TRIM24: variants seen among roughly 807,000 people sequenced by gnomAD.
TRIM24 encodes transcription intermediary factor 1-alpha.
TRIM24 carries 29 observed loss-of-function variants against 123.9 expected under a neutral mutation model. That is an observed-to-expected ratio of 0.23 (90% CI 0.17 to 0.32). The LOEUF is 0.32. Among genes scored for constraint, TRIM24 ranks in the 10% least tolerant of loss-of-function variants. TRIM24 has a pLI of 1.00. For missense variants in TRIM24, 932 were observed against 1,295.3 expected (o/e 0.72, Z 4.31); for synonymous variants, 456 against 461.1 (o/e 0.99, Z 0.14).
intron 1 of TRIM24, among the ~76,000 whole-genome samples, chr7:138,498,508 G>A (rs751863602): frequency 9.2e-5 from 14 of 151,848 alleles, no homozygotes; most frequent in Non-Finnish European, 2.1e-4. Flanking sequence ...TACAGGCATG[G>A]CCAGTGTGCC....
At chr7:138,498,530 G>T (rs1228404125) in intron 1 of TRIM24, among the ~76,000 whole-genome samples, 1 of 152,108 alleles carries the variant, frequency 6.6e-6, no homozygotes, top group Non-Finnish European at 1.5e-5. Context: ...GGCCCCCTGT[G>T]TGGGTTTAGC....
intron 18 of TRIM24, among the ~76,000 whole-genome samples, chr7:138,584,430 T>C (rs1174407703): frequency 6.6e-6 from 1 of 152,246 alleles, no homozygotes; most frequent in Non-Finnish European, 1.5e-5. Context: ...CTAATAGTAC[T>C]ACATTTAATT....
intron 2 of TRIM24, 97 bp downstream of exon 2, chr7:138,504,505 G>A: frequency 1.3e-6 from 1 of 748,854 alleles, no homozygotes. Flanking sequence ...TGTTGCCCAG[G>A]CAGGAGTTCA....
intron 10 of TRIM24, among the ~76,000 whole-genome samples, chr7:138,569,128 G>A (rs531176717): frequency 3.9e-5 from 6 of 152,180 alleles, no homozygotes; most frequent in Middle Eastern, 3.4e-3. Context: ...TAGTCTTTTC[G>A]CATCTCCCTT....
chr7:138,483,929 T>C (rs1229347812), intron 1 of TRIM24, among the ~76,000 whole-genome samples: 1 of 152,134 alleles, frequency 6.6e-6, no homozygotes, highest in Non-Finnish European at 1.5e-5. Flanking sequence ...AGGGACCCTC[T>C]CTGTGGAAGT....
chr7:138,550,165 C>T (rs1326534690), intron 7 of TRIM24, among the ~76,000 whole-genome samples: 1 of 152,094 alleles, frequency 6.6e-6, no homozygotes, highest in African/African-American at 2.4e-5. Context: ...AATGGCCTAC[C>T]TGAAGTAAGT....
chr7:138,531,457 A>G (rs578008549), intron 6 of TRIM24, among the ~76,000 whole-genome samples: 1 of 149,820 alleles, frequency 6.7e-6, no homozygotes, highest in Non-Finnish European at 1.5e-5. Flanking sequence ...TATGAATGAG[A>G]ACATGCGGTG....
At chr7:138,541,798 C>T (rs1043295559) in intron 7 of TRIM24, among the ~76,000 whole-genome samples, 4 of 152,228 alleles carry the variant, frequency 2.6e-5, no homozygotes, top group African/African-American at 9.6e-5. Flanking sequence ...TAGCCACCTT[C>T]GTCAATGATC....
In TRIM24 at chr7:138,538,641, A is replaced by G. The variant is rs114892387; in HGVS notation, c.997-16A>G. ...ACATGCTGATACTAATTTTGAAACT[A>G]TTTTCTTGTTTTCAGAGCCTTGCAA... is the stretch of plus-strand genomic sequence containing the variant. On this transcript the variant is annotated splice_polypyrimidine_tract_variant and intron_variant, in intron 6 of 18. Coordinates refer to ENST00000343526, the MANE Select transcript of TRIM24 (RefSeq NM_015905.3). The G allele has an allele frequency of 1.2e-4, 189 of 1,613,540 alleles. No homozygotes were observed. The African/African-American group carries it at 2.2e-3, about 19-fold the overall frequency.
At chr7:138,461,010 C>G in intron 1 of TRIM24, 98 bp downstream of exon 1, 1 of 1,139,542 alleles carries the variant, frequency 8.8e-7, no homozygotes, top group Non-Finnish European at 1.2e-6. Context: ...CGCCGCCGCC[C>G]GGGGTGCGCG....
chr7:138,542,058 ATCT>A (rs945717750), intron 7 of TRIM24, among the ~76,000 whole-genome samples: 1 of 152,200 alleles, frequency 6.6e-6, no homozygotes, highest in African/African-American at 2.4e-5. Context: ...AGCTGGCTTG[ATCT>A]TCTATCAAGA....
intron 11 of TRIM24, among the ~76,000 whole-genome samples, chr7:138,571,864 C>T (rs1797664221): frequency 2.4e-5 from 2 of 82,054 alleles, no homozygotes; most frequent in South Asian, 7.9e-4. Context: ...AGCCACTACA[C>T]CCAGCCAGTA....
intron 4 of TRIM24, among the ~76,000 whole-genome samples, chr7:138,520,849 A>G (rs1306157929): frequency 6.6e-6 from 1 of 152,224 alleles, no homozygotes; most frequent in Non-Finnish European, 1.5e-5. Context: ...GATGAAAAGT[A>G]GAAGAGATTA....
Position 138,570,841 on chromosome 7 carries a change from C to G in TRIM24, c.1716C>G (p.Ser572Arg). Residue 572 changes from serine (S) to arginine (R), a missense_variant, in exon 11 of 19, where the codon AGC (serine) becomes AGG (arginine). Ser to Arg is a moderately radical substitution (Grantham distance 110). This residue lies in a region of TRIM24 where 527 missense variants were observed against 691.3 expected (regional missense o/e 0.76). Coordinates refer to ENST00000343526, the MANE Select transcript of TRIM24 (RefSeq NM_015905.3). The stretch of plus-strand genomic sequence containing the variant: ...TCTTGTTACTGTAGTGGCAGATCAG[C>G]AGTGGACAGGGAACCCCATCAACTA... ...AQQAIKQWQI[S>R]SGQGTPSTTN... 6.2e-7 allele frequency: 1 copy of G among 1,613,902 alleles called. No homozygotes were observed. Among genetic ancestry groups the G allele is most frequent in the Non-Finnish European group, 8.5e-7 (1 of 1,179,908 alleles).
intron 2 of TRIM24, among the ~76,000 whole-genome samples, chr7:138,512,857 TC>T (rs886313671): frequency 9.2e-5 from 14 of 152,204 alleles, no homozygotes; most frequent in Admixed American, 7.2e-4. Context: ...GGCTTTTCTT[TC>T]CTACCACATG....
Position 138,576,390 on chromosome 7 carries a change from AGTG to A in TRIM24, c.2033_2035del (p.Ser678_Val679delinsIle). ...CTCCTCAGGACCTGTTACTATGACTAGTGTACACCCCCCAATACGTTCACCTAG... is the reference window on the plus strand; with the variant it reads ...CTCCTCAGGACCTGTTACTATGACTATACACCCCCCAATACGTTCACCTAG... On this transcript the variant is annotated inframe_deletion, in exon 13 of 19. Transcript: ENST00000343526. The A allele has an allele frequency of 6.2e-7, 1 of 1,613,682 alleles. No individual in the cohort carries two copies. The highest frequency in any genetic ancestry group is 8.5e-7 in the Non-Finnish European group (1 of 1,179,658).
rs138450402 is a variant in TRIM24, at chr7:138,584,952, T to C, written c.*1T>C. On this transcript the variant is annotated 3_prime_UTR_variant, in exon 19 of 19. Coordinates refer to ENST00000343526, the MANE Select transcript of TRIM24 (RefSeq NM_015905.3). ...TGAAGAACGCCAGTTGCTTAAATAA[T>C]ATGCAGCACCACTAGCTTGTGCTGG... 6.3e-4 allele frequency: 1,016 copies of C among 1,602,490 alleles called. 1 individual carries two copies. Among genetic ancestry groups the C allele is most frequent in the Non-Finnish European group, 8.0e-4 (943 of 1,176,840 alleles).
At chr7:138,530,539 T>C (rs1427437919) in intron 6 of TRIM24, among the ~76,000 whole-genome samples, 1 of 152,054 alleles carries the variant, frequency 6.6e-6, no homozygotes, top group Non-Finnish European at 1.5e-5. Flanking sequence ...GAATCACGGC[T>C]CACTACAGCC....
intron 8 of TRIM24, among the ~76,000 whole-genome samples, chr7:138,553,979 A>G (rs1797264359): frequency 6.6e-6 from 1 of 152,228 alleles, no homozygotes; most frequent in Admixed American, 6.5e-5. Context: ...ACCACCAGCA[A>G]GTAGTTTATA....
Sources: gnomAD v4.1 joint callset for allele counts (sites outside exome capture counted in the v4.1 genomes callset) on GRCh38, gnomAD v4.1.1 for gene constraint, gnomAD v4.1.1 regional missense constraint, MANE v1.5 for transcripts, NCBI Gene and HGNC (gene_info 2026-07-23, HGNC 2026-07-21) for gene names.